Variants in HKDC1 observed in about 807,000 individuals in gnomAD.
HKDC1 encodes the protein hexokinase HKDC1.
Under a neutral mutation model 96.6 loss-of-function variants are expected in HKDC1, and 66 were observed. The observed-to-expected ratio is 0.68, with a 90% confidence interval of 0.56 to 0.84. The LOEUF (loss-of-function observed/expected upper bound fraction) is 0.84, where lower values mean the gene tolerates loss of function less well. Ranked by LOEUF, HKDC1 falls within the 40% of genes least tolerant of loss-of-function variation. The pLI is 0.00. For synonymous variants in HKDC1, 466 were observed against 473.1 expected (o/e 0.98, Z 0.20); for missense variants, 1,211 against 1,208.1 (o/e 1.00, Z -0.04).
intron 4 of HKDC1, among the ~76,000 whole-genome samples, chr10:69,237,476 C>T (rs1195713370): frequency 1.3e-5 from 2 of 152,092 alleles, no homozygotes; most frequent in African/African-American, 4.8e-5. Flanking sequence ...TTTACTCATA[C>T]CTATATTAAA....
intron 3 of HKDC1, 36 bp from the exon 4 acceptor site, chr10:69,232,978 C>T (rs780673925): frequency 1.9e-6 from 3 of 1,612,890 alleles, no homozygotes; most frequent in East Asian, 2.2e-5. Flanking sequence ...GGAAACCACA[C>T]CTTAGCCCAT....
At chr10:69,265,467 G>T in intron 16 of HKDC1, 118 bp from the exon 17 acceptor site, 2 of 844,188 alleles carry the variant, frequency 2.4e-6, no homozygotes, top group Non-Finnish European at 1.9e-6. Context: ...GCCATTGCCT[G>T]GGTCAATTTC....
chr10:69,228,237 T>C (rs1013432952), intron 2 of HKDC1, among the ~76,000 whole-genome samples: 12 of 152,154 alleles, frequency 7.9e-5, no homozygotes, highest in African/African-American at 2.9e-4. Context: ...AAGCCAGCAG[T>C]GTAGCCTCTT....
intron 12 of HKDC1, among the ~76,000 whole-genome samples, chr10:69,253,097 C>CAGGAAGG (rs1445948050): frequency 2.0e-5 from 3 of 151,990 alleles, no homozygotes; most frequent in African/African-American, 7.3e-5. Flanking sequence ...AGCTAAGACA[C>CAGGAAGG]AGGAAGGTCA....
At chr10:69,247,304 G>A in intron 8 of HKDC1, 56 bp from the exon 9 acceptor site, 2 of 1,195,956 alleles carry the variant, frequency 1.7e-6, no homozygotes, top group South Asian at 2.5e-5. Context: ...TGTTCCCCCA[G>A]GAGGATACCA....
chr10:69,220,854 C>T (rs1055212995), intron 1 of HKDC1, among the ~76,000 whole-genome samples: 2 of 152,182 alleles, frequency 1.3e-5, no homozygotes, highest in African/African-American at 4.8e-5. Flanking sequence ...GTTTTAAGAA[C>T]TGTTGGAGCA....
Position 69,232,897 on chromosome 10 carries a change from C to T in HKDC1, c.360C>T (p.Arg120=), listed in dbSNP as rs144529058. 2.3e-5 allele frequency: 37 copies of T among 1,613,012 alleles called. No individual in the cohort carries two copies. The highest frequency in any genetic ancestry group is 2.1e-5 in the Non-Finnish European group (25 of 1,180,036). Reference sequence around the variant, plus strand: ...ACCCAACGCCCAATGAAATCATCCGCGGGAACGGCACAGAGGTACCTGGCA... The same window carrying T: ...ACCCAACGCCCAATGAAATCATCCGTGGGAACGGCACAGAGGTACCTGGCA... The part of the protein sequence containing the change: ...QFYPTPNEII[R]GNGTELFEYV... The change falls in exon 3 of 18, where the codon CGC becomes CGT. Residue 120 remains arginine (R), a synonymous_variant. Coordinates refer to ENST00000354624, the MANE Select transcript of HKDC1 (RefSeq NM_025130.4).
At position 69,258,768 on chromosome 10, in the gene HKDC1, C is replaced by T. The variant is rs769615616; in HGVS notation, c.2033-8C>T. On this transcript the variant is annotated splice_polypyrimidine_tract_variant and splice_region_variant and intron_variant, in intron 14 of 17. Transcript: ENST00000354624. ...TGAAGACTAAGGTTCCTTCACAATTCCTTCTAGGAACAGGCAGCAACATGT... is the reference window on the plus strand; with the variant it reads ...TGAAGACTAAGGTTCCTTCACAATTTCTTCTAGGAACAGGCAGCAACATGT... 2 of 1,613,934 alleles carry T rather than the reference C, an allele frequency of 1.2e-6. No individual in the cohort carries two copies. The highest frequency in any genetic ancestry group is 1.1e-5 in the South Asian group (1 of 91,076).
At chr10:69,251,564 A>G (rs1162738580) in intron 12 of HKDC1, among the ~76,000 whole-genome samples, 2 of 152,214 alleles carry the variant, frequency 1.3e-5, no homozygotes, top group Non-Finnish European at 2.9e-5. Flanking sequence ...GAACCTATAT[A>G]TTAATTTGGG....
intron 4 of HKDC1, among the ~76,000 whole-genome samples, chr10:69,235,014 GCA>G (rs2132342926): frequency 6.6e-6 from 1 of 152,344 alleles, no homozygotes; most frequent in East Asian, 1.9e-4. Flanking sequence ...TATAATCCCA[GCA>G]CCCTGGGAGG....
intron 16 of HKDC1, 96 bp downstream of exon 16, chr10:69,261,390 A>C: frequency 1.3e-5 from 16 of 1,196,266 alleles, no homozygotes; most frequent in Non-Finnish European, 1.9e-5. Flanking sequence ...TAAAAACAGA[A>C]AGGCCCTGGC....
At chr10:69,254,310 A>G (rs1047031702) in intron 12 of HKDC1, among the ~76,000 whole-genome samples, 2 of 146,646 alleles carry the variant, frequency 1.4e-5, no homozygotes, top group Non-Finnish European at 3.1e-5. Context: ...TCTCAAAAAG[A>G]GAAAAAAAAA....
chr10:69,249,017 C>T, intron 10 of HKDC1: 2 of 281,480 alleles, frequency 7.1e-6, no homozygotes, highest in Non-Finnish European at 1.3e-5. Context: ...CCCCCCCGAC[C>T]CCCAGATCCT....
rs1843919307 is a variant in HKDC1 at position 69,267,277 on chromosome 10, A to G, written c.*520A>G. The G allele has an allele frequency of 9.1e-6, 3 of 331,110 alleles. No homozygotes were observed. The highest frequency in any genetic ancestry group is 5.1e-5 in the South Asian group (2 of 39,310). The allele number at this position is 331,110 out of a possible 1,614,324, so 20.5% of individuals were successfully genotyped here. A position where few individuals can be genotyped will look rare whatever the true frequency, so the allele number is the denominator to read the frequency against. ...TGCCATGTTGACTTCAAACCTATTA[A>G]GAGAACAAAGACTTTGAAGTATCCA... On this transcript the variant is annotated 3_prime_UTR_variant, in exon 18 of 18. Coordinates refer to ENST00000354624, the MANE Select transcript of HKDC1 (RefSeq NM_025130.4).
Position 69,266,685 on chromosome 10 carries a change from T to G in HKDC1, c.2682T>G (p.Asp894Glu). 1 of 1,614,164 alleles carries G rather than the reference T, an allele frequency of 6.2e-7. No homozygotes were observed. The highest frequency in any genetic ancestry group is 8.5e-7 in the Non-Finnish European group (1 of 1,180,012). ...ATGTGACATTCATGCTGTCAGAAGA[T>G]GGCAGTGGAAAAGGGGCAGCACTGA... The part of the protein sequence containing the change: ...RCDVTFMLSE[D>E]GSGKGAALIT... The change falls in exon 18 of 18, where the codon GAT (aspartate) becomes GAG (glutamate). Residue 894 changes from aspartate (D) to glutamate (E), a missense_variant. Coordinates refer to ENST00000354624, the MANE Select transcript of HKDC1 (RefSeq NM_025130.4).
At chr10:69,220,624 C>T in intron 1 of HKDC1, 126 bp downstream of exon 1, 1 of 604,274 alleles carries the variant, frequency 1.7e-6, no homozygotes, top group Non-Finnish European at 2.8e-6. Context: ...GAGCATATGA[C>T]CAGTAAAAGA....
chr10:69,250,633 G>A lies in HKDC1; in HGVS notation c.1817G>A (p.Arg606Lys), dbSNP rs866025580. ...PLGFTFSFPCRQMSIDKGTLI... is the reference protein window; with the variant it reads ...PLGFTFSFPCKQMSIDKGTLI... ...GGCTTCACATTCTCATTTCCCTGCA[G>A]GCAGATGAGCATTGACAAGGTAAGA... Residue 606 changes from arginine to lysine, a missense_variant, in exon 12 of 18, where the codon AGG (arginine) becomes AAG (lysine). Physicochemically the swap from Arg to Lys is conservative, Grantham distance 26. Coordinates refer to ENST00000354624, the MANE Select transcript of HKDC1 (RefSeq NM_025130.4). 1 of 1,613,918 alleles carries A rather than the reference G, an allele frequency of 6.2e-7. No individual in the cohort carries two copies. Among genetic ancestry groups the A allele is most frequent in the Non-Finnish European group, 8.5e-7 (1 of 1,180,012 alleles).
At chr10:69,222,297 C>G (rs903509471) in intron 1 of HKDC1, among the ~76,000 whole-genome samples, 7 of 152,332 alleles carry the variant, frequency 4.6e-5, no homozygotes, top group Non-Finnish European at 8.8e-5. Context: ...TAAACTCCCA[C>G]TAAATTCTAT....
At chr10:69,249,923 A>C (rs1189983644) in intron 10 of HKDC1, among the ~76,000 whole-genome samples, 1 of 152,118 alleles carries the variant, frequency 6.6e-6, no homozygotes, top group Admixed American at 6.5e-5. Context: ...CAGTCTCCTG[A>C]TTTTGCAGAT....
Sources: gnomAD v4.1 joint callset for allele counts (sites outside exome capture counted in the v4.1 genomes callset) on GRCh38, gnomAD v4.1.1 for gene constraint, MANE v1.5 for transcripts, NCBI Gene and HGNC (gene_info 2026-07-23, HGNC 2026-07-21) for gene names.